The following FHIT variants were observed in gnomAD, a reference collection of about 807,000 sequenced individuals.
FHIT encodes bis(5'-adenosyl)-triphosphatase.
FHIT carries 19 observed loss-of-function variants against 17.9 expected under a neutral mutation model. The ratio of observed to expected loss-of-function variants is 1.06; its 90% confidence interval spans 0.74 to 1.56. The LOEUF (loss-of-function observed/expected upper bound fraction) is 1.56. FHIT is among the 40% of genes most tolerant of loss of function. The probability of loss-of-function intolerance (pLI) is 0.00; values close to 1 mark genes in which losing one functional copy is unlikely to be tolerated. For synonymous variants in FHIT, 81 were observed against 69.7 expected (o/e 1.16, Z -0.81); for missense variants, 248 against 189.2 (o/e 1.31, Z -1.82).
chr3:60,491,904 T>C (rs559647022), intron 5 of FHIT, among the ~76,000 whole-genome samples: 24 of 152,294 alleles, frequency 1.6e-4, no homozygotes, highest in African/African-American at 5.8e-4. Context: ...ATTTAGAATA[T>C]GAAAAGTTTG....
chr3:59,880,463 C>T (rs1703363092), intron 8 of FHIT, among the ~76,000 whole-genome samples: 1 of 152,130 alleles, frequency 6.6e-6, no homozygotes, highest in African/African-American at 2.4e-5. Flanking sequence ...AGGCTTCTAG[C>T]ACTTTCTCTT....
chr3:59,831,641 A>G (rs982803640), intron 8 of FHIT, among the ~76,000 whole-genome samples: 13 of 152,100 alleles, frequency 8.5e-5, no homozygotes, highest in African/African-American at 2.9e-4. Flanking sequence ...GTTACTTAAC[A>G]TATCTCAGTG....
intron 2 of FHIT, among the ~76,000 whole-genome samples, chr3:61,188,647 C>G (rs1335873231): frequency 6.6e-6 from 1 of 152,092 alleles, no homozygotes; most frequent in Non-Finnish European, 1.5e-5. Flanking sequence ...AATTTTAGAC[C>G]AATATCCTTG....
At chr3:60,371,708 C>T (rs906162469) in intron 5 of FHIT, among the ~76,000 whole-genome samples, 1 of 152,018 alleles carries the variant, frequency 6.6e-6, no homozygotes. Context: ...TTAAAAAATA[C>T]CCCCAGATAG....
chr3:60,105,660 C>T (rs1190949906), intron 5 of FHIT, among the ~76,000 whole-genome samples: 2 of 152,114 alleles, frequency 1.3e-5, no homozygotes, highest in African/African-American at 4.8e-5. Context: ...TTTGCTCTGC[C>T]ATGTATAATT....
chr3:60,464,619 T>C (rs1313180802), intron 5 of FHIT, among the ~76,000 whole-genome samples: 1 of 152,172 alleles, frequency 6.6e-6, no homozygotes, highest in Non-Finnish European at 1.5e-5. Context: ...GATGTTTGTC[T>C]TTCTGTGCCT....
At chr3:60,538,101 A>G (rs2036052891) in intron 4 of FHIT, among the ~76,000 whole-genome samples, 1 of 152,108 alleles carries the variant, frequency 6.6e-6, no homozygotes, top group Non-Finnish European at 1.5e-5. Context: ...TAGCTTCAGG[A>G]TGGGGTTGAT....
intron 3 of FHIT, among the ~76,000 whole-genome samples, chr3:60,873,497 A>C (rs1159975985): frequency 6.6e-6 from 1 of 152,158 alleles, no homozygotes; most frequent in Non-Finnish European, 1.5e-5. Context: ...CTCCCGACAA[A>C]GGGCCTGCCC....
At chr3:61,114,346 A>G (rs536859646) in intron 2 of FHIT, among the ~76,000 whole-genome samples, 1 of 152,270 alleles carries the variant, frequency 6.6e-6, no homozygotes, top group South Asian at 2.1e-4. Flanking sequence ...AGATGCTATT[A>G]TTAATAACAT....
intron 4 of FHIT, among the ~76,000 whole-genome samples, chr3:60,563,904 C>A (rs560679789): frequency 6.6e-6 from 1 of 152,270 alleles, no homozygotes; most frequent in Non-Finnish European, 1.5e-5. Context: ...GAAGAGCTGG[C>A]AAAGATAATC....
intron 5 of FHIT, among the ~76,000 whole-genome samples, chr3:60,368,843 T>C (rs1700212591): frequency 6.6e-6 from 1 of 152,168 alleles, no homozygotes; most frequent in South Asian, 2.1e-4. Context: ...AATAGTTCTT[T>C]TTCTTAGTCT....
chr3:60,286,073 G>C (rs769254219), intron 5 of FHIT, among the ~76,000 whole-genome samples: 8 of 152,124 alleles, frequency 5.3e-5, no homozygotes, highest in Non-Finnish European at 8.8e-5. Context: ...CAACATGCAT[G>C]AGGTGAATGC....
intron 2 of FHIT, among the ~76,000 whole-genome samples, chr3:61,120,110 T>G (rs1299920687): frequency 1.3e-5 from 2 of 152,214 alleles, no homozygotes; most frequent in Non-Finnish European, 2.9e-5. Context: ...TGACCTGGGT[T>G]CAATTCTTCA....
intron 3 of FHIT, among the ~76,000 whole-genome samples, chr3:60,982,651 C>T (rs939468698): frequency 1.3e-5 from 2 of 152,226 alleles, no homozygotes; most frequent in Non-Finnish European, 2.9e-5. Flanking sequence ...CTCCCTGTCT[C>T]ACTCTGTTAT....
intron 8 of FHIT, 21 bp from the exon 9 acceptor site, chr3:59,752,342 A>G (rs1453396500): frequency 1.3e-6 from 2 of 1,595,944 alleles, no homozygotes; most frequent in South Asian, 1.1e-5. Context: ...AAAAAAAGGA[A>G]GAGGCTCTTT....
rs1166550062 is a variant in FHIT, at chr3:60,347,675, T to TGGC, written c.103+189184_103+189185insGCC. Among the ~76,000 whole-genome samples the TGGC allele has an allele frequency of 6.1e-3, 169 of 27,712 alleles. 5 individuals carry two copies. Among genetic ancestry groups the TGGC allele is most frequent in the South Asian group, 0.034 (9 of 266 alleles). The allele number at this position is 27,712 out of a possible 152,430, so 18.2% of individuals were successfully genotyped here. ...TCCTGTCTTCAGATCACCACTGGTT[T>TGGC]GGGGGGGGGGGGGGTTTGTTTTTTG... is the stretch of plus-strand genomic sequence containing the variant. On this transcript the variant is annotated intron_variant, in intron 5 of 9. Transcript: ENST00000492590.
chr3:60,937,916 T>C (rs1708260614), intron 3 of FHIT, among the ~76,000 whole-genome samples: 1 of 152,058 alleles, frequency 6.6e-6, no homozygotes, highest in Non-Finnish European at 1.5e-5. Context: ...TCTAGGGGGA[T>C]ATCCCACAGT....
At chr3:60,548,410 A>G (rs2036440219) in intron 4 of FHIT, among the ~76,000 whole-genome samples, 2 of 152,142 alleles carry the variant, frequency 1.3e-5, no homozygotes. Flanking sequence ...ACTTTTTGAG[A>G]GCATGAGGGC....
chr3:61,220,308 C>G (rs866215904), intron 1 of FHIT, among the ~76,000 whole-genome samples: 34 of 152,150 alleles, frequency 2.2e-4, no homozygotes, highest in South Asian at 6.2e-4. Flanking sequence ...AAACACAGCC[C>G]TGGTTAAACC....
Sources: gnomAD v4.1 joint callset for allele counts (sites outside exome capture counted in the v4.1 genomes callset) on GRCh38, gnomAD v4.1.1 for gene constraint, MANE v1.5 for transcripts, NCBI Gene and HGNC (gene_info 2026-07-23, HGNC 2026-07-21) for gene names.